The following NUS1 variants were observed in gnomAD, a reference collection of about 807,000 sequenced individuals.
NUS1 encodes NUS1 dehydrodolichyl diphosphate synthase subunit.
For synonymous variants in NUS1, 135 were observed against 155.2 expected (o/e 0.87, Z 0.97); for missense variants, 292 against 382.9 (o/e 0.76, Z 1.98).
rs1317347512 is a variant in NUS1, at chr6:117,707,941, ATAT to A, written c.*930_*932del. ...TTTTTTGTTTGATGGGCAGTATGCCATATTATACCCAAAGTTCTTTTAAAAAAT... is the reference window on the plus strand; with the variant it reads ...TTTTTTGTTTGATGGGCAGTATGCCATATACCCAAAGTTCTTTTAAAAAAT... On this transcript the variant is annotated 3_prime_UTR_variant, in exon 5 of 5. Transcript: ENST00000368494. 3.3e-5 allele frequency: 5 copies of A among 152,356 alleles called. No homozygotes were observed. The East Asian group carries it at 9.6e-4, about 29-fold the overall frequency. 9.4% of individuals were successfully genotyped at this position (152,356 alleles called of 1,614,324 possible). A position where few individuals can be genotyped will look rare whatever the true frequency, so the allele number is the denominator to read the frequency against.
At chr6:117,687,020 A>G (rs1196100828) in intron 1 of NUS1, among the ~76,000 whole-genome samples, 1 of 152,138 alleles carries the variant, frequency 6.6e-6, no homozygotes, top group African/African-American at 2.4e-5. Context: ...ATAGTGTCTT[A>G]TCTACACTCT....
At position 117,706,786 on chromosome 6, in the gene NUS1, G is replaced by T. The variant is rs114028127; in HGVS notation, c.792-139G>T. On this transcript the variant is annotated intron_variant, in intron 4 of 4. Transcript: ENST00000368494. ...ACATATTATGATTAAGACATTTTCC[G>T]TGCCTGTCATGGTGCTGTCTGGTGG... 629 of 644,256 alleles carry T rather than the reference G, an allele frequency of 9.8e-4. 3 individuals are homozygous for T. In the African/African-American group the frequency reaches 0.01, roughly 10 times the overall value. The allele number at this position is 644,256 out of a possible 1,614,324, so 39.9% of individuals were successfully genotyped here. A position where few individuals can be genotyped will look rare whatever the true frequency, so the allele number is the denominator to read the frequency against.
chr6:117,705,486 C>T (rs74829384), intron 4 of NUS1, among the ~76,000 whole-genome samples: 1,914 of 152,290 alleles, frequency 0.013, 39 homozygotes, highest in African/African-American at 0.044. Flanking sequence ...ATATGAAGCA[C>T]GTAACAGGCT....
At chr6:117,701,857 A>G (rs1305629093) in intron 3 of NUS1, among the ~76,000 whole-genome samples, 4 of 149,042 alleles carry the variant, frequency 2.7e-5, no homozygotes, top group Admixed American at 1.3e-4. Flanking sequence ...GTTTTTTTTT[A>G]TTTAATTTTT....
chr6:117,675,890 G>C lies in NUS1; in HGVS notation c.220G>C (p.Gly74Arg). 7 of 1,535,038 alleles carry C rather than the reference G, an allele frequency of 4.6e-6. No homozygotes were observed. Among genetic ancestry groups the C allele is most frequent in the South Asian group, 2.4e-5 (2 of 82,368 alleles). The change falls in exon 1 of 5, where the codon GGG becomes CGG. Residue 74 changes from glycine to arginine, a missense_variant. Coordinates refer to ENST00000368494, the MANE Select transcript of NUS1 (RefSeq NM_138459.5). ...CCGCCGTCACCACCGGCACCCGCGC[G>C]GGGGGTCGTGCCTGGCAGCCGCACA... The part of the protein sequence containing the change: ...RNRRHHRHPR[G>R]GSCLAAAHHR...
At chr6:117,685,917 G>A (rs148148790) in intron 1 of NUS1, among the ~76,000 whole-genome samples, 6,827 of 150,424 alleles carry the variant, frequency 0.045, 569 homozygotes, top group African/African-American at 0.16. Flanking sequence ...AGCCGAGATC[G>A]CGCCATTGCA....
rs71736900 is a variant in NUS1, at chr6:117,690,979, CAAAAA to C, written c.416-2045_416-2041del. On this transcript the variant is annotated intron_variant, in intron 1 of 4. Coordinates refer to ENST00000368494, the MANE Select transcript of NUS1 (RefSeq NM_138459.5). ...TGAGTGACAGAGTGAGAGTCTGTCT[CAAAAA>C]AAAAAAAAAAAAAAAAAGATTATCA... Among the ~76,000 whole-genome samples the C allele has an allele frequency of 8.2e-5, 6 of 73,294 alleles. No individual in the cohort carries two copies. The Admixed American group carries it at 1.0e-3, about 13-fold the overall frequency. 48.1% of individuals were successfully genotyped at this position (73,294 alleles called of 152,430 possible). A position where few individuals can be genotyped will look rare whatever the true frequency, so the allele number is the denominator to read the frequency against.
chr6:117,708,702 C>G lies in NUS1; in HGVS notation c.*1687C>G, dbSNP rs1053145. The G allele has an allele frequency of 6.6e-6, 1 of 152,142 alleles. No homozygotes were observed. The highest frequency in any genetic ancestry group is 1.5e-5 in the Non-Finnish European group (1 of 67,914). The allele number at this position is 152,142 out of a possible 1,614,324, so 9.4% of individuals were successfully genotyped here. A position where few individuals can be genotyped will look rare whatever the true frequency, so the allele number is the denominator to read the frequency against. On this transcript the variant is annotated 3_prime_UTR_variant, in exon 5 of 5. Transcript: ENST00000368494. ...TTGTGTGAAGCTACAGCATATCTAA[C>G]CAGAGAATTTCTGATTCCTTATACT...
Position 117,675,716 on chromosome 6 carries a change from C to T in NUS1, c.46C>T (p.Leu16Phe), listed in dbSNP as rs962512059. The T allele has an allele frequency of 1.3e-5, 19 of 1,518,076 alleles. No individual in the cohort carries two copies. Among genetic ancestry groups the T allele is most frequent in the Admixed American group, 5.8e-5 (3 of 51,434 alleles). The allele number at this position is 1,518,076 out of a possible 1,614,324, so 94.0% of individuals were successfully genotyped here. Residue 16 changes from leucine to phenylalanine, a missense_variant, in exon 1 of 5, where the codon CTC becomes TTC. Physicochemically the swap from Leu to Phe is conservative, Grantham distance 22 (BLOSUM62 0). Transcript: ENST00000368494. ...GGTGTGGCGGGTGCTGCACGCGCTG[C>T]TCTGTCTGCACCGCACGCTCACCTC... ...ELVWRVLHALLCLHRTLTSWL... is the reference protein window; with the variant it reads ...ELVWRVLHALFCLHRTLTSWL...
chr6:117,684,361 C>T (rs1350487620), intron 1 of NUS1, among the ~76,000 whole-genome samples: 1 of 152,150 alleles, frequency 6.6e-6, no homozygotes, highest in East Asian at 1.9e-4. Flanking sequence ...TTAGGTCAAT[C>T]CTATGCCTTG....
chr6:117,691,397 T>C (rs1276776422), intron 1 of NUS1, among the ~76,000 whole-genome samples: 2 of 151,824 alleles, frequency 1.3e-5, no homozygotes, highest in African/African-American at 2.4e-5. Context: ...TGATATCTTC[T>C]CTAGTTTTTT....
At chr6:117,696,529 A>G (rs918374135) in intron 3 of NUS1, among the ~76,000 whole-genome samples, 4 of 152,146 alleles carry the variant, frequency 2.6e-5, no homozygotes, top group East Asian at 3.9e-4. Flanking sequence ...CAACAAGAGA[A>G]AAGAAACAAC....
chr6:117,675,868 C>G lies in NUS1; in HGVS notation c.198C>G (p.Arg66=). 1.3e-6 allele frequency: 2 copies of G among 1,532,648 alleles called. No homozygotes were observed. Among genetic ancestry groups the G allele is most frequent in the Non-Finnish European group, 1.8e-6 (2 of 1,138,914 alleles). The allele number at this position is 1,532,648 out of a possible 1,614,324, so 94.9% of individuals were successfully genotyped here. A position where few individuals can be genotyped will look rare whatever the true frequency, so the allele number is the denominator to read the frequency against. ...LRKPPAVGRN[R]RHHRHPRGGS... ...AGCCCCCGGCAGTCGGCAGGAACCG[C>G]CGTCACCACCGGCACCCGCGCGGGG... Residue 66 remains arginine, a synonymous_variant, in exon 1 of 5, where the codon CGC becomes CGG. Coordinates refer to ENST00000368494, the MANE Select transcript of NUS1 (RefSeq NM_138459.5).
Position 117,675,770 on chromosome 6 carries a change from A to G in NUS1, c.100A>G (p.Asn34Asp), listed in dbSNP as rs934670535. The G allele has an allele frequency of 2.2e-5, 34 of 1,558,868 alleles. No individual in the cohort carries two copies. Among genetic ancestry groups the G allele is most frequent in the Non-Finnish European group, 2.9e-5 (34 of 1,155,884 alleles). Residue 34 changes from asparagine (N) to aspartate (D), a missense_variant, in exon 1 of 5, where the codon AAC (asparagine) becomes GAC (aspartate). By Grantham distance (23) the Asn-to-Asp change is conservative (BLOSUM62 1). Coordinates refer to ENST00000368494, the MANE Select transcript of NUS1 (RefSeq NM_138459.5). ...SWLRVRFGTW[N>D]WIWRRCCRAA... is the part of the protein sequence containing the mutation. The stretch of plus-strand genomic sequence containing the variant: ...GCTCCGCGTTCGGTTCGGCACCTGG[A>G]ACTGGATCTGGCGGCGCTGCTGCCG...
intron 1 of NUS1, among the ~76,000 whole-genome samples, chr6:117,685,655 T>C (rs1023869692): frequency 1.3e-5 from 2 of 152,180 alleles, no homozygotes; most frequent in Non-Finnish European, 2.9e-5. Context: ...GCCCAGCCCA[T>C]TTAACTTTTT....
chr6:117,704,057 A>G (rs932304712), intron 4 of NUS1, among the ~76,000 whole-genome samples: 2 of 152,188 alleles, frequency 1.3e-5, no homozygotes, highest in African/African-American at 2.4e-5. Context: ...TTTTAAAGAA[A>G]TAAGGAACTA....
At chr6:117,688,880 C>T (rs556947049) in intron 1 of NUS1, among the ~76,000 whole-genome samples, 3 of 152,052 alleles carry the variant, frequency 2.0e-5, no homozygotes, top group Non-Finnish European at 2.9e-5. Context: ...TTTTTTGGCA[C>T]CCCCTTAAAT....
In NUS1 at chr6:117,707,355, G is replaced by T. The variant is rs902545701; in HGVS notation, c.*340G>T. The T allele has an allele frequency of 1.2e-5, 3 of 248,438 alleles. No homozygotes were observed. The highest frequency in any genetic ancestry group is 4.7e-5 in the Admixed American group (1 of 21,146). The allele number at this position is 248,438 out of a possible 1,614,324, so 15.4% of individuals were successfully genotyped here. On this transcript the variant is annotated 3_prime_UTR_variant, in exon 5 of 5. Transcript: ENST00000368494. ...TCAGCCCAGCTACTTCCCTATTTTT[G>T]TGGGGAGAAGAGGGCCTGATTAGAA...
rs1773283339 is a variant in NUS1 at position 117,694,165 on chromosome 6, T to C, written c.676T>C (p.Leu226=). Residue 226 remains leucine (L), a synonymous_variant, in exon 3 of 5, where the codon TTA becomes CTA. Transcript: ENST00000368494. The part of the protein sequence containing the change: ...KRPTDLDVDT[L]ASLLSSNGCP... ...ACCCACAGATTTGGATGTAGATACGTTAGCCAGTTTACTTAGTAAGTTTTT... is the reference window on the plus strand; with the variant it reads ...ACCCACAGATTTGGATGTAGATACGCTAGCCAGTTTACTTAGTAAGTTTTT... 1 of 1,597,584 alleles carries C rather than the reference T, an allele frequency of 6.3e-7. No individual in the cohort carries two copies. Among genetic ancestry groups the C allele is most frequent in the Non-Finnish European group, 8.5e-7 (1 of 1,173,148 alleles).
Sources: allele counts gnomAD v4.1 joint callset (sites outside exome capture counted in the v4.1 genomes callset), GRCh38; gene constraint gnomAD v4.1.1; transcripts MANE v1.5; gene names NCBI Gene and HGNC (gene_info 2026-07-23, HGNC 2026-07-21).